Variants in C16orf87 observed in about 807,000 individuals in gnomAD.
C16orf87 encodes HDAC and MIER1 interacting protein 1.
C16orf87 carries 13 observed loss-of-function variants against 21.0 expected under a neutral mutation model. The ratio of observed to expected loss-of-function variants is 0.62; its 90% confidence interval spans 0.40 to 0.98. C16orf87 has a LOEUF of 0.98. Ranked by LOEUF, C16orf87 falls within the 50% of genes least tolerant of loss-of-function variation. The pLI, the probability that C16orf87 is intolerant of heterozygous loss-of-function variation, is 0.00. For missense variants in C16orf87, 113 were observed against 180.4 expected (o/e 0.63, Z 2.14); for synonymous variants, 49 against 60.2 (o/e 0.81, Z 0.86).
Position 46,801,360 on chromosome 16 carries a change from C to CA in C16orf87, c.*1591dup, listed in dbSNP as rs35608486. 113,512 of 146,918 alleles carry CA rather than the reference C, an allele frequency of 0.77. 44,931 individuals carry two copies. The highest frequency in any genetic ancestry group is 0.99 in the East Asian group (4,972 of 5,012). The allele number at this position is 146,918 out of a possible 1,614,324, so 9.1% of individuals were successfully genotyped here. ...GAGACCCCATCTGTACTAAAAAATA[C>CA]AAAAAAAAAAACAGCCAGGCGTGGT... On this transcript the variant is annotated 3_prime_UTR_variant, in exon 4 of 4. Transcript: ENST00000285697.
chr16:46,815,138 A>G (rs1384050612), intron 2 of C16orf87, among the ~76,000 whole-genome samples: 1 of 151,920 alleles, frequency 6.6e-6, no homozygotes, highest in African/African-American at 2.4e-5. Flanking sequence ...ATCTTCCACA[A>G]GTTGTAACAG....
At chr16:46,807,345 A>G (rs1284573703) in intron 3 of C16orf87, among the ~76,000 whole-genome samples, 1 of 151,974 alleles carries the variant, frequency 6.6e-6, no homozygotes, top group Non-Finnish European at 1.5e-5. Context: ...TGAGCCCAGG[A>G]GTTTGAGGCT....
chr16:46,823,474 T>C (rs920979326), intron 2 of C16orf87, among the ~76,000 whole-genome samples: 22 of 152,206 alleles, frequency 1.4e-4, no homozygotes, highest in African/African-American at 5.1e-4. Context: ...TTAATAAATA[T>C]GTCTATTGAA....
intron 3 of C16orf87, among the ~76,000 whole-genome samples, chr16:46,809,019 CA>C (rs776311594): frequency 0.016 from 805 of 51,542 alleles, 3 homozygotes; most frequent in African/African-American, 0.044. Context: ...CTTTAAAAGA[CA>C]AAAAAAAAAA....
At position 46,823,629 on chromosome 16, in the gene C16orf87, G is replaced by C. The variant is rs189454227; in HGVS notation, c.163+757C>G. 1.1e-4 allele frequency among the ~76,000 whole-genome samples: 16 copies of C among 151,540 alleles called. 1 individual carries two copies. In the East Asian group the frequency reaches 2.9e-3, roughly 28 times the overall value. On this transcript the variant is annotated intron_variant, in intron 2 of 3. Coordinates refer to ENST00000285697, the MANE Select transcript of C16orf87 (RefSeq NM_001001436.4). ...CAAAACCAAGCTATATTTTTCAACG[G>C]TCACTAGTTTAAAAAAAAAACAAAA...
chr16:46,801,612 C>T lies in C16orf87; in HGVS notation c.*1340G>A, dbSNP rs1244303899. On this transcript the variant is annotated 3_prime_UTR_variant, in exon 4 of 4. Coordinates refer to ENST00000285697, the MANE Select transcript of C16orf87 (RefSeq NM_001001436.4). ...AGGAAAAGGAATCCTTAGGAAAATT[C>T]TTTATCCTATCTAGAGTACCTCTTA... The T allele has an allele frequency of 6.6e-6, 1 of 152,162 alleles. No homozygotes were observed. Among genetic ancestry groups the T allele is most frequent in the Non-Finnish European group, 1.5e-5 (1 of 68,024 alleles). The allele number at this position is 152,162 out of a possible 1,614,324, so 9.4% of individuals were successfully genotyped here.
chr16:46,828,774 A>T lies in C16orf87; in HGVS notation c.66+2310T>A, dbSNP rs72812417. On this transcript the variant is annotated intron_variant, in intron 1 of 3. Transcript: ENST00000285697. ...CAACTTAGAATCATAGCAGTATTCTAATGTTTAGAAAATGGCTTTCTGGAT... is the reference window on the plus strand; with the variant it reads ...CAACTTAGAATCATAGCAGTATTCTTATGTTTAGAAAATGGCTTTCTGGAT... Among the ~76,000 whole-genome samples the T allele has an allele frequency of 3.6e-3, 544 of 152,352 alleles. 9 individuals are homozygous for T. In the South Asian group the frequency reaches 0.061, roughly 17 times the overall value.
intron 2 of C16orf87, among the ~76,000 whole-genome samples, chr16:46,822,747 T>A (rs750603305): frequency 3.9e-5 from 6 of 152,236 alleles, no homozygotes; most frequent in Non-Finnish European, 5.9e-5. Flanking sequence ...TCCATATTTG[T>A]ACCCCTACAA....
At chr16:46,814,331 T>C (rs1232135216) in intron 2 of C16orf87, among the ~76,000 whole-genome samples, 4 of 152,184 alleles carry the variant, frequency 2.6e-5, no homozygotes, top group African/African-American at 7.2e-5. Context: ...TCAAAATAAC[T>C]AGAGACTATT....
At position 46,822,318 on chromosome 16, in the gene C16orf87, C is replaced by A. The variant is rs1959447021; in HGVS notation, c.163+2068G>T. Among the ~76,000 whole-genome samples, 3 of 152,318 alleles carry A rather than the reference C, an allele frequency of 2.0e-5. No individual in the cohort carries two copies. In the South Asian group the frequency reaches 6.2e-4, roughly 32 times the overall value. ...AATACTTGAATTAAAAAAATAAGCACTTTGTCTCCCTAAGAACAAGGACCA... is the reference window on the plus strand; with the variant it reads ...AATACTTGAATTAAAAAAATAAGCAATTTGTCTCCCTAAGAACAAGGACCA... On this transcript the variant is annotated intron_variant, in intron 2 of 3. Transcript: ENST00000285697.
Position 46,796,795 on chromosome 16 carries a change from G to A in C16orf87, c.*6157C>T, listed in dbSNP as rs1967618563. 1 of 152,152 alleles carries A rather than the reference G, an allele frequency of 6.6e-6. No individual in the cohort carries two copies. Among genetic ancestry groups the A allele is most frequent in the Non-Finnish European group, 1.5e-5 (1 of 68,036 alleles). 9.4% of individuals were successfully genotyped at this position (152,152 alleles called of 1,614,324 possible). A position where few individuals can be genotyped will look rare whatever the true frequency, so the allele number is the denominator to read the frequency against. On this transcript the variant is annotated 3_prime_UTR_variant, in exon 4 of 4. Coordinates refer to ENST00000285697, the MANE Select transcript of C16orf87 (RefSeq NM_001001436.4). ...TTGCATCACTGGAGCCTAAGAGGGA[G>A]GAGAAAGTAGAGCAGAAAATATCTG...
intron 1 of C16orf87, 112 bp from the exon 2 acceptor site, chr16:46,824,594 GTATT>G (rs1200384733): frequency 2.2e-6 from 1 of 449,894 alleles, no homozygotes; most frequent in Non-Finnish European, 3.9e-6. Flanking sequence ...GAGGAATCAT[GTATT>G]TATTTAAACC....
intron 2 of C16orf87, among the ~76,000 whole-genome samples, chr16:46,814,345 G>A (rs991202394): frequency 2.0e-5 from 3 of 152,180 alleles, no homozygotes; most frequent in Non-Finnish European, 2.9e-5. Flanking sequence ...GACTATTGCA[G>A]TACAGTTGGG....
At chr16:46,830,963 G>A in intron 1 of C16orf87, 121 bp downstream of exon 1, 10 of 602,292 alleles carry the variant, frequency 1.7e-5, no homozygotes, top group Non-Finnish European at 2.6e-5. Flanking sequence ...CCCCGCCGCC[G>A]CCGGCGGGCC....
Position 46,802,747 on chromosome 16 carries a change from C to A in C16orf87, c.*205G>T. ...TCCCAAACACAAAACACTGACAATA[C>A]TCCTTGGTAAACAAGGAAATCCCAG... On this transcript the variant is annotated 3_prime_UTR_variant, in exon 4 of 4. Coordinates refer to ENST00000285697, the MANE Select transcript of C16orf87 (RefSeq NM_001001436.4). The A allele has an allele frequency of 4.9e-6, 2 of 409,426 alleles. No individual in the cohort carries two copies. Among genetic ancestry groups the A allele is most frequent in the Non-Finnish European group, 8.8e-6 (2 of 228,266 alleles). The allele number at this position is 409,426 out of a possible 1,614,324, so 25.4% of individuals were successfully genotyped here. A position where few individuals can be genotyped will look rare whatever the true frequency, so the allele number is the denominator to read the frequency against.
Position 46,797,164 on chromosome 16 carries a change from C to A in C16orf87, c.*5788G>T, listed in dbSNP as rs1215922743. ...AGAATTAAATGTCAACAGACCTGCA[C>A]TAAAAGAAATTTTCCAGATGAAAAG... On this transcript the variant is annotated 3_prime_UTR_variant, in exon 4 of 4. Coordinates refer to ENST00000285697, the MANE Select transcript of C16orf87 (RefSeq NM_001001436.4). The A allele has an allele frequency of 6.6e-6, 1 of 152,040 alleles. No homozygotes were observed. Among genetic ancestry groups the A allele is most frequent in the Non-Finnish European group, 1.5e-5 (1 of 68,000 alleles). The allele number at this position is 152,040 out of a possible 1,614,324, so 9.4% of individuals were successfully genotyped here.
At chr16:46,811,895 C>A (rs1968096191) in intron 2 of C16orf87, among the ~76,000 whole-genome samples, 1 of 152,178 alleles carries the variant, frequency 6.6e-6, no homozygotes, top group Non-Finnish European at 1.5e-5. Flanking sequence ...TTGAGACCAG[C>A]CTGGGCCACA....
chr16:46,796,679 A>G lies in C16orf87; in HGVS notation c.*6273T>C, dbSNP rs770774008. 10 of 152,228 alleles carry G rather than the reference A, an allele frequency of 6.6e-5. No individual in the cohort carries two copies. The highest frequency in any genetic ancestry group is 2.2e-4 in the African/African-American group (9 of 41,460). 9.4% of individuals were successfully genotyped at this position (152,228 alleles called of 1,614,324 possible). On this transcript the variant is annotated 3_prime_UTR_variant, in exon 4 of 4. Coordinates refer to ENST00000285697, the MANE Select transcript of C16orf87 (RefSeq NM_001001436.4). Reference sequence around the variant, plus strand: ...ATTGAAACATCATGCTGCATACAATATATGATTTTGTTAACTGAAATGATT... The same window carrying G: ...ATTGAAACATCATGCTGCATACAATGTATGATTTTGTTAACTGAAATGATT...
chr16:46,798,327 G>A lies in C16orf87; in HGVS notation c.*4625C>T, dbSNP rs1967670999. ...GTTCGAGACCAGCTTGGCCAACATG[G>A]TGAAACTCCATCTCTACTAAAAATA... On this transcript the variant is annotated 3_prime_UTR_variant, in exon 4 of 4. Transcript: ENST00000285697. 6.6e-6 allele frequency: 1 copy of A among 152,340 alleles called. No individual in the cohort carries two copies. Among genetic ancestry groups the A allele is most frequent in the Non-Finnish European group, 1.5e-5 (1 of 68,116 alleles). The allele number at this position is 152,340 out of a possible 1,614,324, so 9.4% of individuals were successfully genotyped here. A position where few individuals can be genotyped will look rare whatever the true frequency, so the allele number is the denominator to read the frequency against.
Sources: allele counts gnomAD v4.1 joint callset (sites outside exome capture counted in the v4.1 genomes callset), GRCh38; gene constraint gnomAD v4.1.1; transcripts MANE v1.5; gene names NCBI Gene and HGNC (gene_info 2026-07-23, HGNC 2026-07-21).